NUAK1: variants seen among roughly 807,000 people sequenced by gnomAD.
NUAK1 encodes the protein NUAK family SNF1-like kinase 1.
In NUAK1, 26 loss-of-function variants were observed where a neutral mutation model predicts 56.9. The ratio of observed to expected loss-of-function variants is 0.46; its 90% CI spans 0.33 to 0.63. NUAK1 has a LOEUF of 0.63. Ranked by LOEUF, NUAK1 falls within the 30% of genes least tolerant of loss-of-function variation. The probability of loss-of-function intolerance (pLI) is 0.02; values close to 1 mark genes in which losing one functional copy is unlikely to be tolerated. For synonymous variants in NUAK1, 337 were observed against 336.0 expected (o/e 1.00, Z -0.03); for missense variants, 727 against 876.1 (o/e 0.83, Z 2.15).
At chr12:106,069,377 T>G (rs562287866) in intron 6 of NUAK1, among the ~76,000 whole-genome samples, 13 of 152,308 alleles carry the variant, frequency 8.5e-5, no homozygotes, top group Non-Finnish European at 1.9e-4. Context: ...ATTTCTCACA[T>G]TTTTTGGAAT....
intron 2 of NUAK1, among the ~76,000 whole-genome samples, chr12:106,095,611 C>G (rs1374360340): frequency 6.6e-6 from 1 of 152,234 alleles, no homozygotes; most frequent in Non-Finnish European, 1.5e-5. Flanking sequence ...GAAGTGTTAG[C>G]TGTTCCGATT....
At chr12:106,084,386 C>G (rs958498875) in intron 3 of NUAK1, among the ~76,000 whole-genome samples, 1 of 152,220 alleles carries the variant, frequency 6.6e-6, no homozygotes, top group Non-Finnish European at 1.5e-5. Flanking sequence ...CCTGCCTACT[C>G]AACGCTGGAA....
chr12:106,067,271 G>A lies in NUAK1; in HGVS notation c.1517C>T (p.Pro506Leu). The A allele has an allele frequency of 1.9e-6, 3 of 1,614,166 alleles. No individual in the cohort carries two copies. The highest frequency in any genetic ancestry group is 2.2e-5 in the South Asian group (2 of 91,080). The stretch of plus-strand genomic sequence containing the variant: ...GGAGGTTACCCTGGCTGGGTCCGGG[G>A]GGCTGGGGGAGGGGATGCTGCTGCC... ...VMGSSIPSPSPPDPARVTSHS... is the reference protein window; with the variant it reads ...VMGSSIPSPSLPDPARVTSHS... The change falls in exon 7 of 7, where the codon CCC becomes CTC. Residue 506 changes from proline to leucine, a missense_variant. Coordinates refer to ENST00000261402, the MANE Select transcript of NUAK1 (RefSeq NM_014840.3). This position sits in a 1 kb window ranked among gnomAD's most constrained non-coding sequence, Gnocchi z 6.0.
At chr12:106,134,544 C>T (rs527475060) in intron 1 of NUAK1, among the ~76,000 whole-genome samples, 7 of 152,338 alleles carry the variant, frequency 4.6e-5, no homozygotes, top group Admixed American at 3.9e-4. Flanking sequence ...ACCCTGCCTC[C>T]AGCTCACACC....
chr12:106,082,922 G>T (rs1361868155), intron 4 of NUAK1, among the ~76,000 whole-genome samples: 1 of 152,198 alleles, frequency 6.6e-6, no homozygotes, highest in Non-Finnish European at 1.5e-5. Context: ...CGGCCAATTG[G>T]AGGGCTCCTG....
intron 6 of NUAK1, among the ~76,000 whole-genome samples, chr12:106,069,116 T>G (rs904967439): frequency 2.0e-5 from 3 of 152,224 alleles, no homozygotes; most frequent in Non-Finnish European, 4.4e-5. Context: ...TACAACCGTC[T>G]AGCCTGATTA....
At chr12:106,116,447 C>A (rs187252904) in intron 1 of NUAK1, among the ~76,000 whole-genome samples, 1 of 152,314 alleles carries the variant, frequency 6.6e-6, no homozygotes, top group East Asian at 1.9e-4. Flanking sequence ...AGTTATCAAG[C>A]CCTCACTATG....
rs547101967 is a variant in NUAK1 at position 106,067,282 on chromosome 12, G to C, written c.1506C>G (p.Pro502=). ...DSNDVMGSSI[P]SPSPPDPARV... The stretch of plus-strand genomic sequence containing the variant: ...TGGCTGGGTCCGGGGGGCTGGGGGA[G>C]GGGATGCTGCTGCCCATCACATCAT... The change falls in exon 7 of 7, where the codon CCC becomes CCG. Residue 502 remains proline, a synonymous_variant. Coordinates refer to ENST00000261402, the MANE Select transcript of NUAK1 (RefSeq NM_014840.3). The surrounding 1 kb of genome is among the most constrained non-coding windows in gnomAD (Gnocchi z 6.0). The C allele has an allele frequency of 3.1e-6, 5 of 1,614,082 alleles. No homozygotes were observed. The African/African-American group carries it at 6.7e-5, about 22-fold the overall frequency.
At chr12:106,108,330 C>T (rs1029619574) in intron 1 of NUAK1, among the ~76,000 whole-genome samples, 54 of 152,314 alleles carry the variant, frequency 3.5e-4, no homozygotes, top group Admixed American at 3.3e-4. Flanking sequence ...AACCCAGGGG[C>T]AGGCTCCACC....
chr12:106,108,915 C>T (rs1054959931), intron 1 of NUAK1, among the ~76,000 whole-genome samples: 1 of 152,162 alleles, frequency 6.6e-6, no homozygotes, highest in Non-Finnish European at 1.5e-5. Flanking sequence ...AAGGAAAGTG[C>T]CCACATTCTC....
intron 2 of NUAK1, among the ~76,000 whole-genome samples, chr12:106,090,946 T>C (rs1401251780): frequency 2.0e-5 from 3 of 152,208 alleles, no homozygotes; most frequent in Admixed American, 6.5e-5. Context: ...GGATTTATAA[T>C]GTATAAGAGC....
chr12:106,138,316 G>A lies in NUAK1; in HGVS notation c.240+98C>T. ...TCCCAATGAGCCCCCTCTCTGTCAA[G>A]AGAGCCCCAGGGCGCACAGACCCCC... is the stretch of plus-strand genomic sequence containing the variant. On this transcript the variant is annotated intron_variant, in intron 1 of 6. Coordinates refer to ENST00000261402, the MANE Select transcript of NUAK1 (RefSeq NM_014840.3). The surrounding 1 kb of genome is among the most constrained non-coding windows in gnomAD (Gnocchi z 5.0). 6.9e-7 allele frequency: 1 copy of A among 1,455,216 alleles called. No individual in the cohort carries two copies. Among genetic ancestry groups the A allele is most frequent in the South Asian group, 1.4e-5 (1 of 70,966 alleles). The allele number at this position is 1,455,216 out of a possible 1,614,324, so 90.1% of individuals were successfully genotyped here. A position where few individuals can be genotyped will look rare whatever the true frequency, so the allele number is the denominator to read the frequency against.
intron 1 of NUAK1, among the ~76,000 whole-genome samples, chr12:106,109,555 G>GAAAAAAAAA (rs5800702): frequency 8.1e-6 from 1 of 123,522 alleles, no homozygotes; most frequent in Non-Finnish European, 1.8e-5. Context: ...GGTTGTTAAG[G>GAAAAAAAAA]AAAAAAAAAA....
At position 106,067,025 on chromosome 12, in the gene NUAK1, A is replaced by C; in HGVS notation, c.1763T>G (p.Leu588Trp). ...LSSDSFDLLD[L>W]QENRPARQRI... ...CTGGCGGGCAGGGCGATTCTCCTGC[A>C]AATCCAGCAAGTCAAAAGAGTCGCT... The change falls in exon 7 of 7, where the codon TTG (leucine) becomes TGG (tryptophan). Residue 588 changes from leucine to tryptophan, a missense_variant. Physicochemically the swap from Leu to Trp is moderately conservative, Grantham distance 61 (BLOSUM62 -2). Transcript: ENST00000261402. The surrounding 1 kb of genome is among the most constrained non-coding windows in gnomAD (Gnocchi z 6.0). 11 of 1,614,220 alleles carry C rather than the reference A, an allele frequency of 6.8e-6. No individual in the cohort carries two copies. The highest frequency in any genetic ancestry group is 9.3e-6 in the Non-Finnish European group (11 of 1,180,040).
chr12:106,083,069 C>T (rs891657842), intron 4 of NUAK1, among the ~76,000 whole-genome samples: 6 of 152,200 alleles, frequency 3.9e-5, no homozygotes, highest in African/African-American at 1.2e-4. Context: ...CACTTGAACC[C>T]TGTGGGCCAG....
intron 2 of NUAK1, among the ~76,000 whole-genome samples, chr12:106,088,671 C>T (rs1259627198): frequency 6.6e-6 from 1 of 152,154 alleles, no homozygotes; most frequent in African/African-American, 2.4e-5. Context: ...TTATTGATAC[C>T]AGTTTGTTCA....
At chr12:106,101,311 C>T (rs1024362375) in intron 2 of NUAK1, among the ~76,000 whole-genome samples, 1 of 152,226 alleles carries the variant, frequency 6.6e-6, no homozygotes, top group Non-Finnish European at 1.5e-5. Context: ...GTCAGGGTCA[C>T]CACGTAGCCA....
chr12:106,127,785 C>T (rs2136483393), intron 1 of NUAK1, among the ~76,000 whole-genome samples: 1 of 152,230 alleles, frequency 6.6e-6, no homozygotes, highest in South Asian at 2.1e-4. Flanking sequence ...GGAAGGGACC[C>T]TTAAGGACAT....
chr12:106,067,945 T>G lies in NUAK1; in HGVS notation c.843A>C (p.Gly281=). 1.2e-6 allele frequency: 2 copies of G among 1,604,300 alleles called. No individual in the cohort carries two copies. The highest frequency in any genetic ancestry group is 1.7e-6 in the Non-Finnish European group (2 of 1,173,692). The part of the protein sequence containing the change: ...REPTQPSDAR[G]LIRWMLMVNP... ...TCACCATCAGCATCCACCGTATGAG[T>G]CCTCGAGCATCTAAGGGACAAGGGA... Residue 281 remains glycine, a synonymous_variant, in exon 7 of 7, where the codon GGA becomes GGC. Transcript: ENST00000261402. The surrounding 1 kb of genome is among the most constrained non-coding windows in gnomAD (Gnocchi z 6.0).
Sources: gnomAD v4.1 joint callset for allele counts (sites outside exome capture counted in the v4.1 genomes callset) on GRCh38, gnomAD v4.1.1 for gene constraint, Gnocchi (gnomAD v3.1) non-coding constraint, MANE v1.5 for transcripts, NCBI Gene and HGNC (gene_info 2026-07-23, HGNC 2026-07-21) for gene names.